C1orf159: variants seen among roughly 807,000 people sequenced by gnomAD.
The protein encoded by C1orf159 is chromosome 1 open reading frame 159, also known as uncharacterized protein C1orf159.
Under a neutral mutation model 25.6 loss-of-function variants are expected in C1orf159, and 19 were observed. The ratio of observed to expected loss-of-function variants is 0.74; its 90% CI spans 0.52 to 1.09. The LOEUF is 1.09. C1orf159 is among the 50% of genes least tolerant of loss of function. C1orf159 has a pLI of 0.00. For synonymous variants in C1orf159, 139 were observed against 124.7 expected (o/e 1.12, Z -0.77); for missense variants, 274 against 290.6 (o/e 0.94, Z 0.42).
Position 1,087,081 on chromosome 1 carries a change from C to T in C1orf159, c.310+58G>A, listed in dbSNP as rs192567249. 9 of 1,532,894 alleles carry T rather than the reference C, an allele frequency of 5.9e-6. No homozygotes were observed. Among genetic ancestry groups the T allele is most frequent in the Admixed American group, 3.5e-5 (2 of 57,090 alleles). 95.0% of individuals were successfully genotyped at this position (1,532,894 alleles called of 1,614,324 possible). ...CAAGGGTGAGGGTCTGCACTGGCTC[C>T]GACGGCCCCCAGCCCCCAGGACACC... On this transcript the variant is annotated intron_variant, in intron 6 of 9. Coordinates refer to ENST00000421241, the MANE Select transcript of C1orf159 (RefSeq NM_017891.5). The surrounding 1 kb of genome is among the most constrained non-coding windows in gnomAD (Gnocchi z 8.3).
In C1orf159 at chr1:1,084,644, C is replaced by T; in HGVS notation, c.446-138G>A. Reference sequence around the variant, plus strand: ...CGGCGTCCTCGGAGCAGCAGAGGCCCCGGGGCTGCAGGGTCTCCCCCAACC... The same window carrying T: ...CGGCGTCCTCGGAGCAGCAGAGGCCTCGGGGCTGCAGGGTCTCCCCCAACC... On this transcript the variant is annotated intron_variant, in intron 7 of 9. Transcript: ENST00000421241. The T allele has an allele frequency of 8.1e-6, 9 of 1,108,812 alleles. No individual in the cohort carries two copies. In the South Asian group the frequency reaches 9.8e-5, roughly 12 times the overall value. 68.7% of individuals were successfully genotyped at this position (1,108,812 alleles called of 1,614,324 possible). A position where few individuals can be genotyped will look rare whatever the true frequency, so the allele number is the denominator to read the frequency against.
At chr1:1,112,422 G>A (rs373322116) in intron 1 of C1orf159, among the ~76,000 whole-genome samples, 7 of 152,132 alleles carry the variant, frequency 4.6e-5, no homozygotes, top group East Asian at 1.9e-4. Flanking sequence ...CAACGCACAC[G>A]CTCCCTCCCT....
At position 1,087,632 on chromosome 1, in the gene C1orf159, G is replaced by A; in HGVS notation, c.149-35C>T. 2.0e-6 allele frequency: 3 copies of A among 1,463,990 alleles called. No individual in the cohort carries two copies. The highest frequency in any genetic ancestry group is 2.8e-6 in the Non-Finnish European group (3 of 1,085,096). The allele number at this position is 1,463,990 out of a possible 1,614,324, so 90.7% of individuals were successfully genotyped here. A position where few individuals can be genotyped will look rare whatever the true frequency, so the allele number is the denominator to read the frequency against. ...GCAGAGGACGGGCATGTCAGCCAAA[G>A]CAAAATCCACACCAGCTGGGTCTCC... On this transcript the variant is annotated intron_variant, in intron 4 of 9. Coordinates refer to ENST00000421241, the MANE Select transcript of C1orf159 (RefSeq NM_017891.5). This position sits in a 1 kb window ranked among gnomAD's most constrained non-coding sequence, Gnocchi z 8.3.
intron 1 of C1orf159, among the ~76,000 whole-genome samples, chr1:1,112,777 C>T (rs1244705774): frequency 6.6e-6 from 1 of 152,278 alleles, no homozygotes. Context: ...GGCTATAAAA[C>T]CCCAAGTCAA....
At chr1:1,108,980 C>T (rs1252130977) in intron 1 of C1orf159, among the ~76,000 whole-genome samples, 1 of 93,622 alleles carries the variant, frequency 1.1e-5, no homozygotes, top group Non-Finnish European at 2.0e-5. Context: ...TCAGCACCAT[C>T]CACCACGGCC....
chr1:1,090,646 G>A lies in C1orf159; in HGVS notation c.73-218C>T, dbSNP rs149213338. The A allele has an allele frequency of 3.3e-4, 224 of 687,954 alleles. 1 individual carries two copies. In the Middle Eastern group the frequency reaches 3.6e-3, roughly 11 times the overall value. The allele number at this position is 687,954 out of a possible 1,614,324, so 42.6% of individuals were successfully genotyped here. Reference sequence around the variant, plus strand: ...CACATCCCTGTGGGACCCTGGGTGGGCGGTCTCCAAGGAAAAGCTGGGCCT... The same window carrying A: ...CACATCCCTGTGGGACCCTGGGTGGACGGTCTCCAAGGAAAAGCTGGGCCT... On this transcript the variant is annotated intron_variant, in intron 3 of 9. Transcript: ENST00000421241.
chr1:1,082,842 C>A lies in C1orf159; in HGVS notation c.*51G>T. On this transcript the variant is annotated 3_prime_UTR_variant, in exon 10 of 10. Transcript: ENST00000421241. ...TTTGTGCTGGTTCCCGCCAAGGGGT[C>A]GGCCTCCGGGTCCCTGCCGCCAAGT... 6.8e-7 allele frequency: 1 copy of A among 1,480,124 alleles called. No homozygotes were observed. The highest frequency in any genetic ancestry group is 1.2e-5 in the South Asian group (1 of 82,724). The allele number at this position is 1,480,124 out of a possible 1,614,324, so 91.7% of individuals were successfully genotyped here. A position where few individuals can be genotyped will look rare whatever the true frequency, so the allele number is the denominator to read the frequency against.
At chr1:1,091,445 G>T in intron 3 of C1orf159, 27 bp downstream of exon 3, 1 of 1,544,668 alleles carries the variant, frequency 6.5e-7, no homozygotes, top group Non-Finnish European at 8.8e-7. Flanking sequence ...GGCTTAGGCC[G>T]CGTGGACACG....
intron 1 of C1orf159, among the ~76,000 whole-genome samples, chr1:1,113,825 T>C (rs981482436): frequency 1.3e-5 from 2 of 150,972 alleles, no homozygotes; most frequent in African/African-American, 4.9e-5. Context: ...TCCCTCGGGG[T>C]GGGCCGTCCA....
intron 1 of C1orf159, among the ~76,000 whole-genome samples, chr1:1,115,274 C>CA (rs74912773): frequency 0.25 from 37,352 of 152,026 alleles, 6,328 homozygotes; most frequent in African/African-American, 0.49. Context: ...GCCACCGGAA[C>CA]ACGCGCTCCC....
At chr1:1,113,911 GC>G (rs1184758310) in intron 1 of C1orf159, among the ~76,000 whole-genome samples, 10 of 145,968 alleles carry the variant, frequency 6.9e-5, no homozygotes, top group African/African-American at 2.3e-4. Context: ...CTCCCTCGAG[GC>G]CTTTTTTTTT....
chr1:1,106,358 G>A (rs1646170740), intron 1 of C1orf159, among the ~76,000 whole-genome samples: 1 of 152,134 alleles, frequency 6.6e-6, no homozygotes, highest in Admixed American at 6.5e-5. Context: ...CAAAAAAACA[G>A]AAATAAATGT....
At chr1:1,084,001 C>A in intron 9 of C1orf159, 1 of 1,605,460 alleles carries the variant, frequency 6.2e-7, no homozygotes. Context: ...TGCGTCTGTC[C>A]TCGGGTGGAG....
chr1:1,108,671 T>C lies in C1orf159; in HGVS notation c.-136+7389A>G, dbSNP rs67903888. ...AGCCACCATGTCTCGGCAGCACCGT[T>C]CACCACAGCCACCATGTCTCAGCAC... On this transcript the variant is annotated intron_variant, in intron 1 of 9. Coordinates refer to ENST00000421241, the MANE Select transcript of C1orf159 (RefSeq NM_017891.5). 5.4e-3 allele frequency among the ~76,000 whole-genome samples: 189 copies of C among 34,764 alleles called. 6 individuals are homozygous for C. The highest frequency in any genetic ancestry group is 0.02 in the Middle Eastern group (1 of 50). 22.8% of individuals were successfully genotyped at this position (34,764 alleles called of 152,430 possible). A position where few individuals can be genotyped will look rare whatever the true frequency, so the allele number is the denominator to read the frequency against.
chr1:1,090,488 A>G, intron 3 of C1orf159, 60 bp from the exon 4 acceptor site: 1 of 1,515,438 alleles, frequency 6.6e-7, no homozygotes, highest in East Asian at 2.5e-5. Flanking sequence ...TCACGCCCAG[A>G]GCAGCAGCGG....
At position 1,090,420 on chromosome 1, in the gene C1orf159, C is replaced by G; in HGVS notation, c.81G>C (p.Leu27=). Reference sequence around the variant, plus strand: ...CCACCACATCCACACAGCACTCGGGCAGCTGGGCCTGGAGGGGACACGGCA... The same window carrying G: ...CCACCACATCCACACAGCACTCGGGGAGCTGGGCCTGGAGGGGACACGGCA... ...ASKSMENTAQ[L]PECCVDVVGV... Residue 27 remains leucine (L), a synonymous_variant, in exon 4 of 10, where the codon CTG becomes CTC. Coordinates refer to ENST00000421241, the MANE Select transcript of C1orf159 (RefSeq NM_017891.5). 4 of 1,550,528 alleles carry G rather than the reference C, an allele frequency of 2.6e-6. No individual in the cohort carries two copies. Among genetic ancestry groups the G allele is most frequent in the Non-Finnish European group, 3.5e-6 (4 of 1,146,938 alleles).
At chr1:1,101,805 C>A (rs950147973) in intron 1 of C1orf159, among the ~76,000 whole-genome samples, 2 of 152,058 alleles carry the variant, frequency 1.3e-5, no homozygotes, top group Non-Finnish European at 1.5e-5. Flanking sequence ...GGTGTGGTGG[C>A]TTACACCTGT....
At chr1:1,092,570 AGGGGG>A (rs1645956972) in intron 1 of C1orf159, 1 of 152,960 alleles carries the variant, frequency 6.5e-6, no homozygotes, top group Admixed American at 6.5e-5. Context: ...AGTTACCCCG[AGGGGG>A]GCTGAGGCCC....
chr1:1,084,813 C>T (rs898473350), intron 7 of C1orf159, among the ~76,000 whole-genome samples: 1 of 152,172 alleles, frequency 6.6e-6, no homozygotes, highest in African/African-American at 2.4e-5. Context: ...ACAAGCCCCC[C>T]TCATGAGAAG....
Sources: allele counts gnomAD v4.1 joint callset (sites outside exome capture counted in the v4.1 genomes callset), GRCh38; gene constraint gnomAD v4.1.1; non-coding constraint Gnocchi (gnomAD v3.1); transcripts MANE v1.5; gene names NCBI Gene and HGNC (gene_info 2026-07-23, HGNC 2026-07-21).